The following PCID2 variants were observed in gnomAD, a reference collection of about 807,000 sequenced individuals.
The protein encoded by PCID2 is PCI domain containing 2, also known as PCI domain-containing protein 2.
A neutral mutation model predicts 61.3 loss-of-function variants in PCID2; 41 were observed. The ratio of observed to expected loss-of-function variants is 0.67; its 90% CI spans 0.52 to 0.87. The LOEUF is 0.87. Ranked by LOEUF, PCID2 falls within the 40% of genes least tolerant of loss-of-function variation. The pLI, the probability that PCID2 is intolerant of heterozygous loss-of-function variation, is 0.00. For missense variants in PCID2, 392 were observed against 493.4 expected (o/e 0.79, Z 1.95); for synonymous variants, 187 against 177.8 (o/e 1.05, Z -0.41).
At position 113,195,099 on chromosome 13, in the gene PCID2, G is replaced by T. The variant is rs768260894; in HGVS notation, c.335C>A (p.Ala112Glu). Reference protein sequence around the residue: ...NWALPVMYAVALDLRVFANNA... With the variant: ...NWALPVMYAVELDLRVFANNA... Reference sequence around the variant, plus strand: ...ATTGGCAAACACTCGAAGGTCAAGCGCTACTGCATACATGACAGGCAGAGC... The same window carrying T: ...ATTGGCAAACACTCGAAGGTCAAGCTCTACTGCATACATGACAGGCAGAGC... The change falls in exon 6 of 14, where the codon GCG (alanine) becomes GAG (glutamate). Residue 112 changes from alanine to glutamate, a missense_variant. Ala to Glu is a moderately radical substitution (Grantham distance 107, BLOSUM62 -1). Around this residue, in one of 3 missense-constraint regions of PCID2, gnomAD observed 155 missense variants for 164.9 expected, o/e 0.94. Coordinates refer to ENST00000337344, the MANE Select transcript of PCID2 (RefSeq NM_001127202.4). 1.2e-6 allele frequency: 2 copies of T among 1,610,792 alleles called. No individual in the cohort carries two copies. The highest frequency in any genetic ancestry group is 1.6e-4 in the Middle Eastern group (1 of 6,082).
chr13:113,179,132 T>G lies in PCID2; in HGVS notation c.987-43A>C, dbSNP rs370526725. 18 of 1,587,658 alleles carry G rather than the reference T, an allele frequency of 1.1e-5. No homozygotes were observed. The African/African-American group carries it at 2.3e-4, about 20-fold the overall frequency. On this transcript the variant is annotated intron_variant, in intron 12 of 13. Transcript: ENST00000337344. This position sits in a 1 kb window ranked among gnomAD's most constrained non-coding sequence, Gnocchi z 4.3. ...AAGGGCACTGTGGTTACCGACAGGA[T>G]GCAATACTCCACAGCCAAGAAAAGG...
At chr13:113,170,251 A>C in the PCID2 span, among the ~76,000 whole-genome samples, 6 of 127,318 alleles carry the variant, frequency 4.7e-5, no homozygotes, top group South Asian at 1.3e-3. Flanking sequence ...ACAATCCTGT[A>C]CCATTTGAGT....
chr13:113,207,915 T>C (rs1004489559), intron 1 of PCID2: 2 of 956,188 alleles, frequency 2.1e-6, no homozygotes, highest in East Asian at 2.4e-5. Context: ...CTATATTTCC[T>C]ATCCCTGTTA....
rs368639009 is a variant in PCID2 at position 113,208,233 on chromosome 13, ACAGCACCGCCCACAGCGGGCCCT to A, written c.36+343_36+365del. On this transcript the variant is annotated intron_variant, in intron 1 of 13. Transcript: ENST00000337344. Reference sequence around the variant, plus strand: ...TGCTGGGAAACAGCGTCCATCCGACACAGCACCGCCCACAGCGGGCCCTCGGCGTGGCCCGCAGGCCCTTCGGA... The same window carrying A: ...TGCTGGGAAACAGCGTCCATCCGACACGGCGTGGCCCGCAGGCCCTTCGGA... 4.1e-3 allele frequency: 6,049 copies of A among 1,491,776 alleles called. 170 individuals are homozygous for A. The African/African-American group carries it at 0.066, about 16-fold the overall frequency. The allele number at this position is 1,491,776 out of a possible 1,614,324, so 92.4% of individuals were successfully genotyped here.
intron 6 of PCID2, among the ~76,000 whole-genome samples, chr13:113,191,649 C>T (rs2038626514): frequency 6.6e-6 from 1 of 152,146 alleles, no homozygotes; most frequent in Non-Finnish European, 1.5e-5. Context: ...TTTTCCCTCG[C>T]ATTTGGGAGG....
intron 1 of PCID2, chr13:113,208,089 G>C: frequency 6.2e-7 from 1 of 1,612,670 alleles, no homozygotes; most frequent in Non-Finnish European, 8.5e-7. Context: ...TGTGCTCGGA[G>C]AGTGAAGGGC....
At chr13:113,205,518 T>A (rs777656823) in intron 1 of PCID2, among the ~76,000 whole-genome samples, 4 of 152,200 alleles carry the variant, frequency 2.6e-5, no homozygotes, top group Non-Finnish European at 4.4e-5. Flanking sequence ...CTTAGGTATA[T>A]GCCAAAAAGA....
chr13:113,171,280 TTGAC>T, the PCID2 span, among the ~76,000 whole-genome samples: 3 of 152,246 alleles, frequency 2.0e-5, no homozygotes, highest in South Asian at 2.1e-4. The surrounding 1 kb of genome is among the most constrained non-coding windows in gnomAD (Gnocchi z 5.1). Flanking sequence ...CAGCCAATGT[TTGAC>T]TGGCCTGGAG....
intron 1 of PCID2, 85 bp from the exon 2 acceptor site, chr13:113,200,601 A>G (rs1326782114): frequency 1.2e-6 from 1 of 852,112 alleles, no homozygotes; most frequent in Non-Finnish European, 1.9e-6. Flanking sequence ...AATGCCACAC[A>G]GGGGAAAATT....
chr13:113,193,524 A>G lies in PCID2; in HGVS notation c.363+1547T>C, dbSNP rs571686144. 1.7e-3 allele frequency among the ~76,000 whole-genome samples: 259 copies of G among 152,326 alleles called. 1 individual carries two copies. The South Asian group carries it at 0.023, about 14-fold the overall frequency. On this transcript the variant is annotated intron_variant, in intron 6 of 13. Coordinates refer to ENST00000337344, the MANE Select transcript of PCID2 (RefSeq NM_001127202.4). ...TCAAAGAGGTCAAAAGTGATGTGAC[A>G]CTACTTTTCTTAGTATTTTGTTTTG... is the stretch of plus-strand genomic sequence containing the variant.
intron 1 of PCID2, among the ~76,000 whole-genome samples, chr13:113,207,260 A>G (rs1404060401): frequency 6.6e-6 from 1 of 152,248 alleles, no homozygotes; most frequent in East Asian, 1.9e-4. Context: ...TATGAATGCA[A>G]AAGGAAACAG....
At chr13:113,208,284 G>A in intron 1 of PCID2, 13 of 1,433,298 alleles carry the variant, frequency 9.1e-6, no homozygotes, top group Non-Finnish European at 1.2e-5. Flanking sequence ...CCTTCGGACC[G>A]CCTGGGAGCG....
intron 2 of PCID2, 39 bp from the exon 3 acceptor site, chr13:113,198,303 T>C (rs2138887048): frequency 1.6e-6 from 2 of 1,255,516 alleles, no homozygotes; most frequent in Non-Finnish European, 2.3e-6. Flanking sequence ...GTAAAATTAA[T>C]AGGCACAGAA....
chr13:113,194,818 C>A (rs555777115), intron 6 of PCID2, among the ~76,000 whole-genome samples: 19 of 152,270 alleles, frequency 1.2e-4, no homozygotes, highest in African/African-American at 4.6e-4. Flanking sequence ...ATAACACATA[C>A]CATAAATGGT....
rs2039162382 is a variant in PCID2 at position 113,198,218 on chromosome 13, T to C, written c.173A>G (p.Tyr58Cys). 1 of 1,608,474 alleles carries C rather than the reference T, an allele frequency of 6.2e-7. No individual in the cohort carries two copies. The highest frequency in any genetic ancestry group is 1.3e-5 in the African/African-American group (1 of 74,656). The part of the protein sequence containing the change: ...EKCQQVLEPP[Y>C]DEMFAAHLRC... ...TAAATGAGCTGCAAACATTTCATCA[T>C]AAGGGGGTTCCAAGACTTGTTGACA... The change falls in exon 3 of 14, where the codon TAT becomes TGT. Residue 58 changes from tyrosine (Y) to cysteine (C), a missense_variant. This residue lies in a region of PCID2 where 155 missense variants were observed against 164.9 expected (regional missense o/e 0.94). Coordinates refer to ENST00000337344, the MANE Select transcript of PCID2 (RefSeq NM_001127202.4).
intron 6 of PCID2, among the ~76,000 whole-genome samples, chr13:113,192,964 T>C (rs2038734011): frequency 6.6e-6 from 1 of 152,142 alleles, no homozygotes; most frequent in Admixed American, 6.5e-5. Context: ...CACAGCAAGA[T>C]GCTATGAGCC....
intron 9 of PCID2, among the ~76,000 whole-genome samples, chr13:113,182,962 C>T (rs2037781536): frequency 6.6e-6 from 1 of 152,140 alleles, no homozygotes; most frequent in African/African-American, 2.4e-5. Flanking sequence ...AACTGAGATA[C>T]TCCAAATACT....
chr13:113,182,766 G>A (rs1317813022), intron 9 of PCID2, among the ~76,000 whole-genome samples: 4 of 152,176 alleles, frequency 2.6e-5, no homozygotes, highest in African/African-American at 4.8e-5. Context: ...GGGATTACAG[G>A]CGTGAGCCAC....
chr13:113,197,204 T>A lies in PCID2; in HGVS notation c.240A>T (p.Ala80=), dbSNP rs762817199. 6.2e-7 allele frequency: 1 copy of A among 1,614,150 alleles called. No individual in the cohort carries two copies. The highest frequency in any genetic ancestry group is 8.5e-7 in the Non-Finnish European group (1 of 1,179,956). Residue 80 remains alanine (A), a synonymous_variant, in exon 4 of 14, where the codon GCA becomes GCT. Transcript: ENST00000337344. Reference sequence around the variant, plus strand: ...GGACTATCACGGTCTGGCACTTGTATGCCTCTATGAAGTCATGATTCCCCA... The same window carrying A: ...GGACTATCACGGTCTGGCACTTGTAAGCCTCTATGAAGTCATGATTCCCCA... ...YAVGNHDFIE[A]YKCQTVIVQS...
Sources: gnomAD v4.1 joint callset for allele counts (sites outside exome capture counted in the v4.1 genomes callset) on GRCh38, gnomAD v4.1.1 for gene constraint, gnomAD v4.1.1 regional missense constraint, Gnocchi (gnomAD v3.1) non-coding constraint, MANE v1.5 for transcripts, NCBI Gene and HGNC (gene_info 2026-07-23, HGNC 2026-07-21) for gene names.